The following WARS2 variants were observed in gnomAD, a reference collection of about 807,000 sequenced individuals.
WARS2 encodes the protein tryptophan--tRNA ligase, mitochondrial.
Under a neutral mutation model 36.5 loss-of-function variants are expected in WARS2, and 28 were observed. That is an observed-to-expected ratio of 0.77 (90% CI 0.57 to 1.05). WARS2 has a LOEUF of 1.05. WARS2 is among the 50% of genes least tolerant of loss of function. The pLI, the probability that WARS2 is intolerant of heterozygous loss-of-function variation, is 0.00. For synonymous variants in WARS2, 174 were observed against 178.4 expected, an observed-to-expected ratio of 0.98 and a Z score of 0.20; for missense variants, 435 against 456.8, an observed-to-expected ratio of 0.95 and a Z score of 0.44.
chr1:119,102,890 C>G (rs749219655), intron 1 of WARS2, among the ~76,000 whole-genome samples: 3 of 152,312 alleles, frequency 2.0e-5, no homozygotes, highest in Non-Finnish European at 4.4e-5. Flanking sequence ...TTATTATCAT[C>G]CTATAAAACA....
chr1:119,122,617 C>T (rs1468825745), intron 1 of WARS2, among the ~76,000 whole-genome samples: 1 of 152,110 alleles, frequency 6.6e-6, no homozygotes, highest in Non-Finnish European at 1.5e-5. Context: ...GCACAATTCA[C>T]AATTGCAAAA....
At chr1:119,042,586 T>A (rs1343086708) in intron 3 of WARS2, among the ~76,000 whole-genome samples, 3 of 152,050 alleles carry the variant, frequency 2.0e-5, no homozygotes, top group African/African-American at 7.2e-5. Context: ...CTTTAAGGGA[T>A]CCTGCACTGC....
chr1:119,126,246 C>T (rs1655646195), intron 1 of WARS2, among the ~76,000 whole-genome samples: 1 of 144,842 alleles, frequency 6.9e-6, no homozygotes, highest in South Asian at 2.2e-4. Flanking sequence ...CACTTATACC[C>T]CTTAATAGCT....
Position 119,033,079 on chromosome 1 carries a change from G to A in WARS2, c.915C>T (p.Ala305=). The change falls in exon 6 of 6, where the codon GCC becomes GCT. Residue 305 remains alanine, a synonymous_variant. Coordinates refer to ENST00000235521, the MANE Select transcript of WARS2 (RefSeq NM_015836.4). ...AGMNTARYKL[A]VADAVIEKFA... ...ACTTCTCAATCACAGCATCTGCCAC[G>A]GCCAGCTTGTAGCGAGCAGTGTTCA... 6 of 1,614,192 alleles carry A rather than the reference G, an allele frequency of 3.7e-6. No individual in the cohort carries two copies. Among genetic ancestry groups the A allele is most frequent in the South Asian group, 2.2e-5 (2 of 91,088 alleles).
At chr1:119,077,411 A>T (rs942734584) in intron 1 of WARS2, among the ~76,000 whole-genome samples, 3 of 152,136 alleles carry the variant, frequency 2.0e-5, no homozygotes, top group Non-Finnish European at 4.4e-5. Context: ...TTTATTTTGC[A>T]GTTAAGGAAA....
intron 1 of WARS2, among the ~76,000 whole-genome samples, chr1:119,109,650 C>T (rs1206053862): frequency 6.6e-6 from 1 of 151,872 alleles, no homozygotes; most frequent in Admixed American, 6.6e-5. Flanking sequence ...TTTTGATCCA[C>T]TTCAACAATC....
intron 1 of WARS2, among the ~76,000 whole-genome samples, chr1:119,103,283 G>A (rs183450964): frequency 6.6e-6 from 1 of 152,192 alleles, no homozygotes; most frequent in Non-Finnish European, 1.5e-5. Context: ...GCCTACGCTA[G>A]GGCCAGGTCT....
chr1:119,122,940 GA>G (rs1432657215), intron 1 of WARS2, among the ~76,000 whole-genome samples: 2 of 152,026 alleles, frequency 1.3e-5, no homozygotes, highest in African/African-American at 4.8e-5. Context: ...AAATTGAGAA[GA>G]AAAAATCAGC....
intron 1 of WARS2, among the ~76,000 whole-genome samples, chr1:119,100,797 C>G (rs1357725147): frequency 1.3e-5 from 2 of 152,032 alleles, no homozygotes; most frequent in African/African-American, 4.8e-5. Context: ...AATAGCCACA[C>G]CAGTTAATTT....
chr1:119,096,173 T>C (rs750072001), intron 1 of WARS2, among the ~76,000 whole-genome samples: 6 of 152,212 alleles, frequency 3.9e-5, no homozygotes, highest in African/African-American at 7.2e-5. Flanking sequence ...AATTTAAAAA[T>C]TGTTATTAAG....
chr1:119,137,318 A>G (rs1243582606), intron 1 of WARS2, among the ~76,000 whole-genome samples: 2 of 152,236 alleles, frequency 1.3e-5, no homozygotes, highest in Non-Finnish European at 2.9e-5. Context: ...AATTAAATAC[A>G]GGGTCAAAAA....
chr1:119,042,477 C>T (rs1648457014), intron 3 of WARS2, 128 bp from the exon 4 acceptor site: 1 of 752,328 alleles, frequency 1.3e-6, no homozygotes, highest in African/African-American at 1.7e-5. Context: ...TAACATTATA[C>T]ATCGGTTCCT....
intron 1 of WARS2, among the ~76,000 whole-genome samples, chr1:119,134,391 A>G (rs751272215): frequency 3.3e-5 from 5 of 151,236 alleles, no homozygotes; most frequent in Non-Finnish European, 7.4e-5. Flanking sequence ...AGTCGGTTCA[A>G]TTAGAACTTT....
At chr1:119,108,309 A>C (rs993977166) in intron 1 of WARS2, among the ~76,000 whole-genome samples, 1 of 151,976 alleles carries the variant, frequency 6.6e-6, no homozygotes, top group Non-Finnish European at 1.5e-5. Context: ...GAACCCATCA[A>C]GGCCTGGTAC....
chr1:119,057,254 T>C (rs1190036280), intron 2 of WARS2, among the ~76,000 whole-genome samples: 2 of 151,988 alleles, frequency 1.3e-5, no homozygotes, highest in East Asian at 3.9e-4. Context: ...CAAGTGATTC[T>C]CCTGCCTCAG....
At chr1:119,129,391 T>G (rs1655925322) in intron 1 of WARS2, among the ~76,000 whole-genome samples, 2 of 152,260 alleles carry the variant, frequency 1.3e-5, no homozygotes, top group South Asian at 4.1e-4. Context: ...AGACATAGAT[T>G]TACCAGAAAG....
rs1655108738 is a variant in WARS2 at position 119,118,310 on chromosome 1, T to A, written c.90+22245A>T. On this transcript the variant is annotated intron_variant, in intron 1 of 5. Coordinates refer to ENST00000235521, the MANE Select transcript of WARS2 (RefSeq NM_015836.4). The stretch of plus-strand genomic sequence containing the variant: ...CACTGAAAAGTATTAATAATAGAAT[T>A]GAACAAGCAGAAGAAAAAACTTCAG... Among the ~76,000 whole-genome samples, 3 of 151,672 alleles carry A rather than the reference T, an allele frequency of 2.0e-5. No individual in the cohort carries two copies. In the South Asian group the frequency reaches 6.2e-4, roughly 32 times the overall value.
chr1:119,066,456 T>G lies in WARS2; in HGVS notation c.348+9894A>C, dbSNP rs536338096. ...TCATGCCATTGCACTCCAGCATGGG[T>G]GACAGAGAGAGGCTCTGTCTCAAAA... On this transcript the variant is annotated intron_variant, in intron 2 of 5. Coordinates refer to ENST00000235521, the MANE Select transcript of WARS2 (RefSeq NM_015836.4). 4.9e-5 allele frequency among the ~76,000 whole-genome samples: 6 copies of G among 121,230 alleles called. No homozygotes were observed. The South Asian group carries it at 1.2e-3, about 25-fold the overall frequency. 79.5% of individuals were successfully genotyped at this position (121,230 alleles called of 152,430 possible).
chr1:119,068,793 C>A (rs569453771), intron 2 of WARS2, among the ~76,000 whole-genome samples: 172 of 152,024 alleles, frequency 1.1e-3, no homozygotes, highest in Non-Finnish European at 2.0e-3. Context: ...ATAGGCATGA[C>A]CCCCTTCCCA....
Sources: allele counts gnomAD v4.1 joint callset (sites outside exome capture counted in the v4.1 genomes callset), GRCh38; gene constraint gnomAD v4.1.1; transcripts MANE v1.5; gene names NCBI Gene and HGNC (gene_info 2026-07-23, HGNC 2026-07-21).